The following ZNF423 variants were observed in gnomAD, a reference collection of about 807,000 sequenced individuals.
ZNF423 encodes the protein Ebf-associated zinc finger protein.
Under a neutral mutation model 95.8 loss-of-function variants are expected in ZNF423, and 12 were observed. The ratio of observed to expected loss-of-function variants is 0.13; its 90% confidence interval spans 0.08 to 0.20. The LOEUF is 0.20. Among genes scored for constraint, ZNF423 ranks in the 10% least tolerant of loss-of-function variants. The pLI, the probability that ZNF423 is intolerant of heterozygous loss-of-function variation, is 1.00. For synonymous variants in ZNF423, 749 were observed against 711.9 expected (o/e 1.05, Z -0.83); for missense variants, 1,316 against 1,737.1 (o/e 0.76, Z 4.31).
intron 5 of ZNF423, among the ~76,000 whole-genome samples, chr16:49,528,052 C>T (rs912456900): frequency 6.6e-6 from 1 of 152,148 alleles, no homozygotes; most frequent in Non-Finnish European, 1.5e-5. Context: ...GGAGAGACGT[C>T]CCCAGGCTGG....
chr16:49,743,922 G>C (rs1470075685), intron 2 of ZNF423, among the ~76,000 whole-genome samples: 1 of 152,178 alleles, frequency 6.6e-6, no homozygotes, highest in African/African-American at 2.4e-5. Flanking sequence ...AGGACTCGTG[G>C]AGTGGCTTTC....
chr16:49,827,646 G>A (rs1038636994), intron 1 of ZNF423, among the ~76,000 whole-genome samples: 1 of 152,124 alleles, frequency 6.6e-6, no homozygotes, highest in African/African-American at 2.4e-5. Flanking sequence ...CTCTCGAGTA[G>A]CTGGGACTAC....
intron 5 of ZNF423, among the ~76,000 whole-genome samples, chr16:49,529,098 G>A (rs900366131): frequency 2.0e-5 from 3 of 151,250 alleles, no homozygotes; most frequent in Admixed American, 6.6e-5. Flanking sequence ...TGTGAGTTAA[G>A]ACGCACAATT....
At chr16:49,754,504 C>G (rs982988163) in intron 2 of ZNF423, among the ~76,000 whole-genome samples, 1 of 152,184 alleles carries the variant, frequency 6.6e-6, no homozygotes, top group African/African-American at 2.4e-5. Context: ...CAAGCAGGAC[C>G]TAGAAGAAGA....
chr16:49,508,598 AG>A (rs1277947595), intron 7 of ZNF423, among the ~76,000 whole-genome samples: 18 of 151,144 alleles, frequency 1.2e-4, no homozygotes, highest in Non-Finnish European at 7.4e-5. Flanking sequence ...ATGGACTGTG[AG>A]TTTTCACCCT....
chr16:49,831,719 G>T (rs547790074), intron 1 of ZNF423, among the ~76,000 whole-genome samples: 1 of 152,136 alleles, frequency 6.6e-6, no homozygotes, highest in Non-Finnish European at 1.5e-5. Context: ...GTCTGAGCAC[G>T]GTGGCTCACG....
At chr16:49,609,372 C>A (rs368742886) in intron 5 of ZNF423, among the ~76,000 whole-genome samples, 2 of 152,034 alleles carry the variant, frequency 1.3e-5, no homozygotes, top group African/African-American at 4.8e-5. Context: ...AAAAGTCAAT[C>A]AATATATGCC....
intron 7 of ZNF423, 83 bp from the exon 8 acceptor site, chr16:49,491,387 G>A (rs1966955734): frequency 2.6e-6 from 4 of 1,541,644 alleles, no homozygotes; most frequent in East Asian, 4.5e-5. Flanking sequence ...CATTTACGCC[G>A]GGAGCCGCAG....
At chr16:49,700,133 T>C (rs2032119320) in intron 3 of ZNF423, among the ~76,000 whole-genome samples, 1 of 144,444 alleles carries the variant, frequency 6.9e-6, no homozygotes, top group Non-Finnish European at 1.5e-5. Flanking sequence ...AAGAATGGGA[T>C]TCCCAGGGTC....
chr16:49,565,941 G>T (rs552016288), intron 5 of ZNF423, among the ~76,000 whole-genome samples: 1 of 151,836 alleles, frequency 6.6e-6, no homozygotes, highest in South Asian at 2.1e-4. Context: ...GAGGGGAGGG[G>T]TGATAGGAAC....
intron 1 of ZNF423, among the ~76,000 whole-genome samples, chr16:49,837,281 C>T (rs896597365): frequency 3.9e-5 from 6 of 152,088 alleles, no homozygotes; most frequent in East Asian, 1.9e-4. Flanking sequence ...CCCTGCTACA[C>T]GTGGCTGTGT....
chr16:49,835,691 G>A (rs763347384), intron 1 of ZNF423, among the ~76,000 whole-genome samples: 2 of 152,232 alleles, frequency 1.3e-5, no homozygotes, highest in Admixed American at 6.5e-5. Context: ...ATATGGTCCA[G>A]AAACCTCCAG....
chr16:49,553,272 C>T (rs371686998), intron 5 of ZNF423, among the ~76,000 whole-genome samples: 7 of 152,074 alleles, frequency 4.6e-5, no homozygotes, highest in East Asian at 3.9e-4. Flanking sequence ...CTAATAATTA[C>T]GACAGTTTCA....
chr16:49,725,551 C>T (rs1384381750), intron 3 of ZNF423, among the ~76,000 whole-genome samples: 1 of 152,142 alleles, frequency 6.6e-6, no homozygotes, highest in Admixed American at 6.5e-5. Flanking sequence ...GGCTGTTGTC[C>T]TCATGCAGCT....
chr16:49,814,123 C>T (rs1427572323), intron 1 of ZNF423, among the ~76,000 whole-genome samples: 2 of 150,942 alleles, frequency 1.3e-5, no homozygotes, highest in Non-Finnish European at 2.9e-5. Flanking sequence ...AGAGCCAGGC[C>T]CTGAGGAGCC....
intron 3 of ZNF423, among the ~76,000 whole-genome samples, chr16:49,659,964 G>C (rs971193479): frequency 6.6e-6 from 1 of 152,206 alleles, no homozygotes; most frequent in Non-Finnish European, 1.5e-5. Context: ...CAGGCCACTC[G>C]TCAGGGTGGG....
chr16:49,523,828 A>T, intron 6 of ZNF423, 89 bp from the exon 7 acceptor site: 1 of 1,042,716 alleles, frequency 9.6e-7, no homozygotes, highest in South Asian at 1.4e-5. Flanking sequence ...GCAGGCAGGG[A>T]TCACTGTGGC....
At chr16:49,607,878 G>T (rs540948661) in intron 5 of ZNF423, among the ~76,000 whole-genome samples, 8 of 152,268 alleles carry the variant, frequency 5.3e-5, no homozygotes, top group African/African-American at 1.9e-4. Context: ...CAGGAGAAGT[G>T]GTGTTAGTGC....
At chr16:49,550,323 C>T (rs542363549) in intron 5 of ZNF423, among the ~76,000 whole-genome samples, 3 of 152,374 alleles carry the variant, frequency 2.0e-5, no homozygotes, top group South Asian at 4.1e-4. Flanking sequence ...TTTCCCTTTT[C>T]GTCCATTCTC....
Sources: allele counts gnomAD v4.1 joint callset (sites outside exome capture counted in the v4.1 genomes callset), GRCh38; gene constraint gnomAD v4.1.1; transcripts MANE v1.5; gene names NCBI Gene and HGNC (gene_info 2026-07-23, HGNC 2026-07-21).